Variants in FAM117B observed in about 807,000 individuals in gnomAD.
The protein encoded by FAM117B is protein FAM117B.
Under a neutral mutation model 52.8 loss-of-function variants are expected in FAM117B, and 22 were observed. That is an observed-to-expected ratio of 0.42 (90% confidence interval 0.30 to 0.59). FAM117B has a LOEUF of 0.59. Ranked by LOEUF, FAM117B falls within the 20% of genes least tolerant of loss-of-function variation. The pLI is 0.22. For missense variants in FAM117B, 678 were observed against 802.6 expected, an observed-to-expected ratio of 0.84 and a Z score of 1.88; for synonymous variants, 309 against 324.1, an observed-to-expected ratio of 0.95 and a Z score of 0.50.
Position 202,674,815 on chromosome 2 carries a change from C to CAT in FAM117B, c.602-21063_602-21062dup, listed in dbSNP as rs146943510. Reference sequence around the variant, plus strand: ...GGACCTTCTCTGGCCAATTCATGGTCATATTGCATGGTCTTTTTGTTTCAA... The same window carrying CAT: ...GGACCTTCTCTGGCCAATTCATGGTCATATATTGCATGGTCTTTTTGTTTCAA... On this transcript the variant is annotated intron_variant, in intron 1 of 7. Coordinates refer to ENST00000392238, the MANE Select transcript of FAM117B (RefSeq NM_173511.4). Among the ~76,000 whole-genome samples the CAT allele has an allele frequency of 7.9e-5, 12 of 152,332 alleles. No individual in the cohort carries two copies. In the East Asian group the frequency reaches 2.1e-3, roughly 27 times the overall value.
At chr2:202,659,400 C>G (rs1311913843) in intron 1 of FAM117B, among the ~76,000 whole-genome samples, 1 of 151,966 alleles carries the variant, frequency 6.6e-6, no homozygotes, top group Non-Finnish European at 1.5e-5. Context: ...GCCTCTACCT[C>G]CTGGGCTCAG....
intron 4 of FAM117B, among the ~76,000 whole-genome samples, chr2:202,731,010 T>A (rs997698489): frequency 6.6e-6 from 1 of 152,116 alleles, no homozygotes; most frequent in Non-Finnish European, 1.5e-5. Context: ...GGCATTTGTG[T>A]CTAAATTACA....
intron 1 of FAM117B, among the ~76,000 whole-genome samples, chr2:202,668,672 A>G (rs900011251): frequency 6.6e-6 from 1 of 151,672 alleles, no homozygotes; most frequent in Non-Finnish European, 1.5e-5. Flanking sequence ...AACATTTTCT[A>G]AAGTGTGGTA....
intron 1 of FAM117B, among the ~76,000 whole-genome samples, chr2:202,665,118 A>C (rs1419288355): frequency 6.6e-6 from 1 of 151,878 alleles, no homozygotes; most frequent in South Asian, 2.1e-4. Context: ...TGTTAGCTTT[A>C]GGGGTCACTC....
rs538417476 is a variant in FAM117B at position 202,741,183 on chromosome 2, A to G, written c.961-14355A>G. 3.9e-5 allele frequency among the ~76,000 whole-genome samples: 6 copies of G among 152,078 alleles called. No homozygotes were observed. The South Asian group carries it at 8.3e-4, about 21-fold the overall frequency. ...CATGCCTTAATCCCAGCACTTTGGG[A>G]GGCTAAGGCAGGCGGATCACGAGGT... is the stretch of plus-strand genomic sequence containing the variant. On this transcript the variant is annotated intron_variant, in intron 4 of 7. Coordinates refer to ENST00000392238, the MANE Select transcript of FAM117B (RefSeq NM_173511.4).
At chr2:202,646,218 C>T (rs184443225) in intron 1 of FAM117B, among the ~76,000 whole-genome samples, 2 of 152,080 alleles carry the variant, frequency 1.3e-5, no homozygotes, top group East Asian at 3.9e-4. Context: ...ACCATGTTGG[C>T]CAGGCTGGTC....
intron 2 of FAM117B, among the ~76,000 whole-genome samples, chr2:202,703,564 C>T (rs540109929): frequency 1.3e-4 from 20 of 152,140 alleles, no homozygotes; most frequent in Admixed American, 3.3e-4. Flanking sequence ...CTATGTTGCC[C>T]GGGCTGGTCT....
At chr2:202,639,719 A>G (rs1393575961) in intron 1 of FAM117B, among the ~76,000 whole-genome samples, 4 of 152,190 alleles carry the variant, frequency 2.6e-5, no homozygotes, top group Non-Finnish European at 4.4e-5. Context: ...TCTACTTCAT[A>G]TGATAGTAGG....
At chr2:202,709,481 C>T (rs374116259) in intron 2 of FAM117B, among the ~76,000 whole-genome samples, 2 of 152,190 alleles carry the variant, frequency 1.3e-5, no homozygotes, top group Non-Finnish European at 2.9e-5. Context: ...GGATTACAGG[C>T]GTGAGCCACC....
At chr2:202,660,902 C>A (rs1690118349) in intron 1 of FAM117B, among the ~76,000 whole-genome samples, 1 of 152,222 alleles carries the variant, frequency 6.6e-6, no homozygotes, top group South Asian at 2.1e-4. Flanking sequence ...CAGTACTTGA[C>A]TTGGGCTAGG....
intron 4 of FAM117B, among the ~76,000 whole-genome samples, chr2:202,743,536 C>G (rs1288671107): frequency 6.6e-6 from 1 of 152,142 alleles, no homozygotes; most frequent in Non-Finnish European, 1.5e-5. Flanking sequence ...TCTTCAGTAA[C>G]AGATCCCAAA....
intron 1 of FAM117B, among the ~76,000 whole-genome samples, chr2:202,650,614 G>A (rs1689941558): frequency 6.6e-6 from 1 of 152,190 alleles, no homozygotes; most frequent in Non-Finnish European, 1.5e-5. Flanking sequence ...AAGGAAGCCA[G>A]TCCGAGTCCC....
chr2:202,704,655 A>G (rs1690846230), intron 2 of FAM117B, among the ~76,000 whole-genome samples: 1 of 152,082 alleles, frequency 6.6e-6, no homozygotes, highest in African/African-American at 2.4e-5. Flanking sequence ...GCAGTGGCAC[A>G]ATCTCAGCTC....
intron 6 of FAM117B, among the ~76,000 whole-genome samples, chr2:202,758,646 C>T: frequency 6.6e-6 from 1 of 152,170 alleles, no homozygotes. Context: ...ACAAGAATAT[C>T]AGAGTAAAGA....
intron 4 of FAM117B, among the ~76,000 whole-genome samples, chr2:202,751,091 T>G (rs1002806431): frequency 1.3e-5 from 2 of 152,224 alleles, no homozygotes; most frequent in Non-Finnish European, 2.9e-5. Context: ...ATATAAGGGC[T>G]AAACCCTTGA....
intron 1 of FAM117B, among the ~76,000 whole-genome samples, chr2:202,679,758 A>G (rs1191469161): frequency 6.6e-6 from 1 of 152,262 alleles, no homozygotes; most frequent in Non-Finnish European, 1.5e-5. Flanking sequence ...AACAAAGCAC[A>G]GGAATCTTTC....
intron 4 of FAM117B, among the ~76,000 whole-genome samples, chr2:202,748,248 A>T (rs1038303286): frequency 6.6e-6 from 1 of 152,182 alleles, no homozygotes; most frequent in African/African-American, 2.4e-5. Flanking sequence ...ATGAAAGTAG[A>T]CCATTATCTC....
At chr2:202,648,551 A>ATATG (rs1158248176) in intron 1 of FAM117B, among the ~76,000 whole-genome samples, 11 of 137,134 alleles carry the variant, frequency 8.0e-5, no homozygotes, top group Middle Eastern at 7.9e-3. Flanking sequence ...ACATATATAT[A>ATATG]TATGTATGTA....
Position 202,635,331 on chromosome 2 carries a change from G to A in FAM117B, c.144G>A (p.Gln48=). 3.5e-6 allele frequency: 5 copies of A among 1,417,650 alleles called. No homozygotes were observed. Among genetic ancestry groups the A allele is most frequent in the South Asian group, 1.4e-5 (1 of 69,136 alleles). The allele number at this position is 1,417,650 out of a possible 1,614,324, so 87.8% of individuals were successfully genotyped here. The change falls in exon 1 of 8, where the codon CAG becomes CAA. Residue 48 remains glutamine (Q), a synonymous_variant. Transcript: ENST00000392238. ...TVPFQLKQQQ[Q]QQHGSPTRSG... is the part of the protein sequence containing the mutation. ...CGTTCCAGCTGAAGCAGCAGCAGCAGCAGCAACATGGCAGCCCCACGCGGA... is the reference window on the plus strand; with the variant it reads ...CGTTCCAGCTGAAGCAGCAGCAGCAACAGCAACATGGCAGCCCCACGCGGA...
Sources: gnomAD v4.1 joint callset for allele counts (sites outside exome capture counted in the v4.1 genomes callset) on GRCh38, gnomAD v4.1.1 for gene constraint, MANE v1.5 for transcripts, NCBI Gene and HGNC (gene_info 2026-07-23, HGNC 2026-07-21) for gene names.